The following ITGA3 variants were observed in gnomAD, a reference collection of about 807,000 sequenced individuals.
ITGA3 encodes integrin subunit alpha 3.
Under a neutral mutation model 131.1 loss-of-function variants are expected in ITGA3, and 70 were observed. That is an observed-to-expected ratio of 0.53 (90% confidence interval 0.44 to 0.65). The LOEUF is 0.65. Among genes scored for constraint, ITGA3 ranks in the 30% least tolerant of loss-of-function variants. The probability of loss-of-function intolerance (pLI) is 0.00; values close to 1 mark genes in which losing one functional copy is unlikely to be tolerated. For missense variants in ITGA3, 1,098 were observed against 1,388.6 expected (o/e 0.79, Z 3.33); for synonymous variants, 537 against 571.6 (o/e 0.94, Z 0.86).
intron 4 of ITGA3, among the ~76,000 whole-genome samples, chr17:50,068,920 T>C (rs2144274719): frequency 6.6e-6 from 1 of 151,924 alleles, no homozygotes; most frequent in Non-Finnish European, 1.5e-5. Flanking sequence ...CAATCTCGGC[T>C]CACTGCAAGC....
chr17:50,076,218 CA>C, intron 12 of ITGA3, 107 bp from the exon 13 acceptor site: 1 of 1,291,706 alleles, frequency 7.7e-7, no homozygotes, highest in Admixed American at 2.3e-5. Context: ...GTCAGGTTTT[CA>C]GGGTGGGGGG....
Position 50,074,133 on chromosome 17 carries a change from C to T in ITGA3, c.1246-11C>T. On this transcript the variant is annotated splice_polypyrimidine_tract_variant and intron_variant, in intron 8 of 25. Transcript: ENST00000320031. ...CCAGAGCCTGCCCCCACCACTTTCC[C>T]CTGCCCCCAGGTAATCCATGGAGAG... The T allele has an allele frequency of 6.2e-7, 1 of 1,613,204 alleles. No individual in the cohort carries two copies. Among genetic ancestry groups the T allele is most frequent in the Non-Finnish European group, 8.5e-7 (1 of 1,179,246 alleles).
At position 50,074,525 on chromosome 17, in the gene ITGA3, C is replaced by T. The variant is rs764501595; in HGVS notation, c.1460C>T (p.Ala487Val). The T allele has an allele frequency of 1.9e-5, 31 of 1,611,716 alleles. No homozygotes were observed. The highest frequency in any genetic ancestry group is 1.6e-4 in the Middle Eastern group (1 of 6,076). ...PAVLDPALCT[A>V]TSCVQVELCF... Reference sequence around the variant, plus strand: ...GTGCTGGACCCTGCACTTTGCACGGCCACCTCTTGGTGAGATTGTTCTGCC... The same window carrying T: ...GTGCTGGACCCTGCACTTTGCACGGTCACCTCTTGGTGAGATTGTTCTGCC... Residue 487 changes from alanine (A) to valine (V), a missense_variant, in exon 10 of 26, where the codon GCC becomes GTC. Around this residue, in one of 3 missense-constraint regions of ITGA3, gnomAD observed 699 missense variants for 829.2 expected, o/e 0.84. Transcript: ENST00000320031.
In ITGA3 at chr17:50,072,148, C is replaced by T. The variant is rs1182045671; in HGVS notation, c.1122C>T (p.Ala374=). 6 of 1,613,888 alleles carry T rather than the reference C, an allele frequency of 3.7e-6. No homozygotes were observed. The highest frequency in any genetic ancestry group is 1.1e-5 in the South Asian group (1 of 91,078). ...PSGSAFGLSV[A]SIGDINQDGF... ...GCTCTGCCTTTGGTTTATCTGTGGC[C>T]AGCATTGGTGACATCAACCAGGATG... The change falls in exon 7 of 26, where the codon GCC becomes GCT. Residue 374 remains alanine (A), a synonymous_variant. Coordinates refer to ENST00000320031, the MANE Select transcript of ITGA3 (RefSeq NM_002204.4).
intron 3 of ITGA3, 96 bp from the exon 4 acceptor site, chr17:50,067,960 C>G (rs773908262): frequency 6.6e-7 from 1 of 1,515,102 alleles, no homozygotes; most frequent in Middle Eastern, 2.3e-4. Flanking sequence ...TCCTTTGACT[C>G]CTGTTTGGCA....
chr17:50,066,100 C>G (rs892717505), intron 3 of ITGA3: 3 of 150,974 alleles, frequency 2.0e-5, no homozygotes, highest in African/African-American at 7.3e-5. Context: ...GCCATCTCAG[C>G]TCACTGCAGC....
intron 1 of ITGA3, among the ~76,000 whole-genome samples, chr17:50,061,623 G>C (rs1039877209): frequency 6.6e-6 from 1 of 152,076 alleles, no homozygotes; most frequent in Non-Finnish European, 1.5e-5. Context: ...CCTGACCCCA[G>C]TGATCACCTG....
chr17:50,056,538 C>T lies in ITGA3; in HGVS notation c.99C>T (p.Phe33=). The T allele has an allele frequency of 1.3e-6, 2 of 1,558,160 alleles. No homozygotes were observed. The highest frequency in any genetic ancestry group is 1.7e-6 in the Non-Finnish European group (2 of 1,151,874). The change falls in exon 1 of 26, where the codon TTC becomes TTT. Residue 33 remains phenylalanine, a synonymous_variant. Transcript: ENST00000320031. This position sits in a 1 kb window ranked among gnomAD's most constrained non-coding sequence, Gnocchi z 5.6. ...VAAGGCVVSA[F]NLDTRFLVVK... ...CCGGCGGCTGCGTCGTCTCCGCCTT[C>T]AACCTGGATACCCGATTCCTGGTAG... is the stretch of plus-strand genomic sequence containing the variant.
rs1342097875 is a variant in ITGA3 at position 50,074,174 on chromosome 17, G to A, written c.1276G>A (p.Gly426Arg). Residue 426 changes from glycine to arginine, a missense_variant, in exon 9 of 26, where the codon GGG becomes AGG. Physicochemically the swap from Gly to Arg is moderately radical, Grantham distance 125. Around this residue, in one of 3 missense-constraint regions of ITGA3, gnomAD observed 699 missense variants for 829.2 expected, o/e 0.84. Coordinates refer to ENST00000320031, the MANE Select transcript of ITGA3 (RefSeq NM_002204.4). ...CCATGGAGAGAAGCTGGGACTGCCTGGGTTGGCCACCTTCGGCTATTCCCT... is the reference window on the plus strand; with the variant it reads ...CCATGGAGAGAAGCTGGGACTGCCTAGGTTGGCCACCTTCGGCTATTCCCT... Reference protein sequence around the residue: ...VIHGEKLGLPGLATFGYSLSG... With the variant: ...VIHGEKLGLPRLATFGYSLSG... 6.2e-7 allele frequency: 1 copy of A among 1,614,174 alleles called. No homozygotes were observed. Among genetic ancestry groups the A allele is most frequent in the Admixed American group, 1.7e-5 (1 of 60,024 alleles).
rs144631252 is a variant in ITGA3, at chr17:50,074,469, C to T, written c.1404C>T (p.Ile468=). The T allele has an allele frequency of 5.2e-5, 84 of 1,614,068 alleles. No homozygotes were observed. The African/African-American group carries it at 5.9e-4, about 11-fold the overall frequency. Residue 468 remains isoleucine, a synonymous_variant, in exon 10 of 26, where the codon ATC becomes ATT. Coordinates refer to ENST00000320031, the MANE Select transcript of ITGA3 (RefSeq NM_002204.4). ...GCAGGGCCCGGCCCGTCATCAACAT[C>T]GTCCACAAGACCTTGGTGCCCAGGC... ...VLLRARPVIN[I]VHKTLVPRPA...
At position 50,077,347 on chromosome 17, in the gene ITGA3, C is replaced by T. The variant is rs780402536; in HGVS notation, c.2071-32C>T. The T allele has an allele frequency of 3.8e-6, 6 of 1,599,648 alleles. No individual in the cohort carries two copies. In the South Asian group the frequency reaches 4.4e-5, roughly 12 times the overall value. On this transcript the variant is annotated intron_variant, in intron 15 of 25. Transcript: ENST00000320031. Reference sequence around the variant, plus strand: ...AGGGAGGACAAGCCCTACTTTGACCCGACCCTGACCTTATTCGCCTTCTTT... The same window carrying T: ...AGGGAGGACAAGCCCTACTTTGACCTGACCCTGACCTTATTCGCCTTCTTT...
chr17:50,072,213 C>A (rs1297564220), intron 7 of ITGA3, 31 bp downstream of exon 7: 2 of 1,580,158 alleles, frequency 1.3e-6, no homozygotes, highest in African/African-American at 1.3e-5. Context: ...CCCAGCACCC[C>A]TCCTCCAGCA....
chr17:50,085,524 T>G (rs1467129480), intron 23 of ITGA3, among the ~76,000 whole-genome samples: 1 of 150,944 alleles, frequency 6.6e-6, no homozygotes, highest in Non-Finnish European at 1.5e-5. Context: ...ATGAGCTGGT[T>G]GTGGTGGTGG....
chr17:50,088,093 C>A (rs1049555488), intron 24 of ITGA3, 132 bp from the exon 25 acceptor site: 3 of 1,315,946 alleles, frequency 2.3e-6, no homozygotes, highest in Non-Finnish European at 3.1e-6. Context: ...TGGCTTCTGA[C>A]CACACCACCA....
intron 7 of ITGA3, among the ~76,000 whole-genome samples, chr17:50,073,630 A>ACACG (rs1191142007): frequency 7.0e-6 from 1 of 142,264 alleles, no homozygotes; most frequent in African/African-American, 2.7e-5. Flanking sequence ...ACACACACAC[A>ACACG]CACGCACACA....
chr17:50,085,918 T>C (rs567225675), intron 23 of ITGA3, among the ~76,000 whole-genome samples: 1 of 104,202 alleles, frequency 9.6e-6, no homozygotes, highest in African/African-American at 3.5e-5. Context: ...AGATTTATAA[T>C]ATATATTAGA....
rs765579449 is a variant in ITGA3, at chr17:50,070,911, C to G, written c.732C>G (p.Asp244Glu). 6.2e-7 allele frequency: 1 copy of G among 1,605,796 alleles called. No homozygotes were observed. The highest frequency in any genetic ancestry group is 8.5e-7 in the Non-Finnish European group (1 of 1,172,674). ...LSEYSYKDPE[D>E]QGNLYIGYTM... ...AGTATAGTTACAAGGACCCAGAGGA[C>G]CAAGGAAACCTCTATATTGGTGAGT... The change falls in exon 5 of 26, where the codon GAC (aspartate) becomes GAG (glutamate). Residue 244 changes from aspartate (D) to glutamate (E), a missense_variant. By Grantham distance (45) the Asp-to-Glu change is conservative. Around this residue, in one of 3 missense-constraint regions of ITGA3, gnomAD observed 356 missense variants for 529.2 expected, o/e 0.67. Coordinates refer to ENST00000320031, the MANE Select transcript of ITGA3 (RefSeq NM_002204.4).
chr17:50,072,403 A>C (rs969267330), intron 7 of ITGA3, among the ~76,000 whole-genome samples: 3 of 152,196 alleles, frequency 2.0e-5, no homozygotes, highest in Admixed American at 6.5e-5. Flanking sequence ...AGGAGCTTGC[A>C]TGCCACTGTG....
At chr17:50,069,011 C>T (rs1908488525) in intron 4 of ITGA3, among the ~76,000 whole-genome samples, 1 of 151,762 alleles carries the variant, frequency 6.6e-6, no homozygotes, top group Non-Finnish European at 1.5e-5. Flanking sequence ...CCATGCCCGG[C>T]TAATTTTTTT....
Sources: gnomAD v4.1 joint callset for allele counts (sites outside exome capture counted in the v4.1 genomes callset) on GRCh38, gnomAD v4.1.1 for gene constraint, gnomAD v4.1.1 regional missense constraint, Gnocchi (gnomAD v3.1) non-coding constraint, MANE v1.5 for transcripts, NCBI Gene and HGNC (gene_info 2026-07-23, HGNC 2026-07-21) for gene names.